MUC5B: variants seen among roughly 807,000 people sequenced by gnomAD.
The protein encoded by MUC5B is mucin-5B.
MUC5B carries 116 observed loss-of-function variants against 376.9 expected under a neutral mutation model. That is an observed-to-expected ratio of 0.31 (90% CI 0.26 to 0.36). The LOEUF (loss-of-function observed/expected upper bound fraction) is 0.36, where lower values mean the gene tolerates loss of function less well. Ranked by LOEUF, MUC5B falls within the 10% of genes least tolerant of loss-of-function variation. The probability of loss-of-function intolerance (pLI) is 1.00; values close to 1 mark genes in which losing one functional copy is unlikely to be tolerated. For synonymous variants in MUC5B, 3,517 were observed against 3,390.9 expected, an observed-to-expected ratio of 1.04 and a Z score of -1.29; for missense variants, 7,165 against 7,769.9, an observed-to-expected ratio of 0.92 and a Z score of 2.93.
Position 1,256,193 on chromosome 11 carries a change from C to A in MUC5B, c.16104C>A (p.Cys5368Ter). 1 of 735,382 alleles carries A rather than the reference C, an allele frequency of 1.4e-6. No homozygotes were observed. Among genetic ancestry groups the A allele is most frequent in the South Asian group, 1.5e-5 (1 of 68,756 alleles). 45.6% of individuals were successfully genotyped at this position (735,382 alleles called of 1,614,324 possible). The change falls in exon 38 of 49, where the codon TGC becomes TGA. Residue 5368 changes from cysteine to a stop codon, truncating the protein, a stop_gained. Transcript: ENST00000529681. LOFTEE classifies it high-confidence loss of function. The part of the protein sequence containing the change: ...TCPPTKVYKP[C>*]GPIQPATCNS... ...CACCCACCAAAGTGTACAAGCCATG[C>A]GGCCCCATACAGCCTGCCACCTGCA...
chr11:1,256,882 C>A, intron 39 of MUC5B, 111 bp downstream of exon 39: 1 of 846,794 alleles, frequency 1.2e-6, no homozygotes, highest in Non-Finnish European at 1.8e-6. Flanking sequence ...CCCAGCTGAC[C>A]CCCGTGACCT....
rs546308873 is a variant in MUC5B at position 1,230,545 on chromosome 11, C to G, written c.1415C>G (p.Thr472Arg). The change falls in exon 12 of 49, where the codon ACG (threonine) becomes AGG (arginine). Residue 472 changes from threonine (T) to arginine (R), a missense_variant. Thr to Arg is a moderately conservative substitution (Grantham distance 71). This residue lies in a region of MUC5B where 640 missense variants were observed against 733.0 expected (regional missense o/e 0.87). Transcript: ENST00000529681. The part of the protein sequence containing the change: ...VLAELRKCGL[T>R]DNENCLKAVT... ...GCTGAGCTGCGGAAGTGCGGCCTGA[C>G]GGACAACGAGAACTGCCTGAAAGCG... 2 of 1,611,762 alleles carry G rather than the reference C, an allele frequency of 1.2e-6. No homozygotes were observed. The highest frequency in any genetic ancestry group is 1.7e-6 in the Non-Finnish European group (2 of 1,179,258).
intron 25 of MUC5B, among the ~76,000 whole-genome samples, chr11:1,238,470 C>T (rs1470250196): frequency 2.0e-5 from 3 of 152,080 alleles, no homozygotes; most frequent in African/African-American, 2.4e-5. Context: ...GAGGTGGGGG[C>T]GAGGGCAGAG....
Position 1,235,099 on chromosome 11 carries a change from G to A in MUC5B, c.2645G>A (p.Arg882Gln), listed in dbSNP as rs1057027215. The change falls in exon 22 of 49, where the codon CGG becomes CAG. Residue 882 changes from arginine (R) to glutamine (Q), a missense_variant. Coordinates refer to ENST00000529681, the MANE Select transcript of MUC5B (RefSeq NM_002458.3). ...VDCNTCTCRN[R>Q]RWECSHRLCL... is the part of the protein sequence containing the mutation. Reference sequence around the variant, plus strand: ...GCCCCTTGCAGCACCTGCAGGAACCGGAGGTGGGAGTGCAGCCACCGGCTC... The same window carrying A: ...GCCCCTTGCAGCACCTGCAGGAACCAGAGGTGGGAGTGCAGCCACCGGCTC... 5.0e-6 allele frequency: 8 copies of A among 1,611,206 alleles called. No homozygotes were observed. The highest frequency in any genetic ancestry group is 1.3e-5 in the African/African-American group (1 of 74,892).
rs1378705846 is a variant in MUC5B, at chr11:1,249,254, C to T, written c.12374C>T (p.Thr4125Ile). ...TCGGCCCCCATAACCACGGTGGTGACCACGGGCTGTGAGCCCCAGTGTGCC... is the reference window on the plus strand; with the variant it reads ...TCGGCCCCCATAACCACGGTGGTGATCACGGGCTGTGAGCCCCAGTGTGCC... ...PTSAPITTVV[T>I]TGCEPQCAWS... is the part of the protein sequence containing the mutation. Residue 4125 changes from threonine (T) to isoleucine (I), a missense_variant, in exon 31 of 49, where the codon ACC becomes ATC. Physicochemically the swap from Thr to Ile is moderately conservative, Grantham distance 89 (BLOSUM62 -1). Transcript: ENST00000529681. 2.5e-6 allele frequency: 4 copies of T among 1,611,510 alleles called. No homozygotes were observed. Among genetic ancestry groups the T allele is most frequent in the Non-Finnish European group, 3.4e-6 (4 of 1,179,604 alleles).
chr11:1,244,745 C>A lies in MUC5B; in HGVS notation c.7865C>A (p.Ser2622Tyr). The A allele has an allele frequency of 6.2e-7, 1 of 1,612,414 alleles. No homozygotes were observed. Among genetic ancestry groups the A allele is most frequent in the Non-Finnish European group, 8.5e-7 (1 of 1,178,976 alleles). Residue 2622 changes from serine (S) to tyrosine (Y), a missense_variant, in exon 31 of 49, where the codon TCC becomes TAC. By Grantham distance (144) the Ser-to-Tyr change is moderately radical. Coordinates refer to ENST00000529681, the MANE Select transcript of MUC5B (RefSeq NM_002458.3). ...ACGGGCTTCACAGCCACCCCCTCCT[C>A]CAGCCCAGGGACGGCACGCACGCTT... ...TTTGFTATPS[S>Y]SPGTARTLPV...
At chr11:1,239,762 G>A in intron 27 of MUC5B, 37 bp from the exon 28 acceptor site, 1 of 1,587,920 alleles carries the variant, frequency 6.3e-7, no homozygotes, top group Non-Finnish European at 8.6e-7. Context: ...AGACTAAAGG[G>A]CCCTGGTGAG....
intron 25 of MUC5B, among the ~76,000 whole-genome samples, chr11:1,238,543 C>T (rs1385344172): frequency 6.6e-6 from 1 of 152,150 alleles, no homozygotes; most frequent in Non-Finnish European, 1.5e-5. Context: ...ACCAGATCCA[C>T]GTGATAGAAA....
intron 9 of MUC5B, 52 bp downstream of exon 9, chr11:1,229,347 C>G: frequency 2.7e-6 from 4 of 1,478,200 alleles, no homozygotes; most frequent in Non-Finnish European, 3.6e-6. Flanking sequence ...TCCCTGCTCC[C>G]AACCCCGCCC....
At position 1,234,112 on chromosome 11, in the gene MUC5B, T is replaced by C; in HGVS notation, c.2378-93T>C. 1 of 1,095,542 alleles carries C rather than the reference T, an allele frequency of 9.1e-7. No homozygotes were observed. The highest frequency in any genetic ancestry group is 1.3e-6 in the Non-Finnish European group (1 of 742,342). The allele number at this position is 1,095,542 out of a possible 1,614,324, so 67.9% of individuals were successfully genotyped here. A position where few individuals can be genotyped will look rare whatever the true frequency, so the allele number is the denominator to read the frequency against. Reference sequence around the variant, plus strand: ...AAGCTTTGGCTCGGGGGCTGTTAACTTGATCAGCAGGACAGGCTCAGGGCT... The same window carrying C: ...AAGCTTTGGCTCGGGGGCTGTTAACCTGATCAGCAGGACAGGCTCAGGGCT... On this transcript the variant is annotated intron_variant, in intron 19 of 48. Transcript: ENST00000529681. This position sits in a 1 kb window ranked among gnomAD's most constrained non-coding sequence, Gnocchi z 6.3.
chr11:1,223,325 G>A, intron 1 of MUC5B, 132 bp downstream of exon 1: 3 of 691,746 alleles, frequency 4.3e-6, no homozygotes, highest in Non-Finnish European at 7.9e-6. Flanking sequence ...TGTCCTGGAT[G>A]GGACCCTACC....
intron 1 of MUC5B, chr11:1,223,408 G>A (rs1376433288): frequency 1.3e-5 from 9 of 672,276 alleles, no homozygotes; most frequent in African/African-American, 3.6e-5. Context: ...CTTGGATGGG[G>A]TGTCCAGGAG....
At chr11:1,256,565 T>C in intron 38 of MUC5B, 106 bp from the exon 39 acceptor site, 1 of 488,946 alleles carries the variant, frequency 2.0e-6, no homozygotes, top group Non-Finnish European at 3.6e-6. Context: ...ACTCCACCCA[T>C]TCATCTCCTT....
Position 1,255,084 on chromosome 11 carries a change from C to T in MUC5B, c.15708C>T (p.Asp5236=), listed in dbSNP as rs373960976. ...AGAGGGACGACTGTCTCCAGCGGGA[C>T]GGAACCACTGCCGCCAGTTGCAAGG... is the stretch of plus-strand genomic sequence containing the variant. ...NNQRDDCLQR[D]GTTAASCKDM... Residue 5236 remains aspartate, a synonymous_variant, in exon 36 of 49, where the codon GAC becomes GAT. Transcript: ENST00000529681. 94 of 1,595,436 alleles carry T rather than the reference C, an allele frequency of 5.9e-5. No individual in the cohort carries two copies. In the African/African-American group the frequency reaches 6.3e-4, roughly 11 times the overall value.
intron 3 of MUC5B, 84 bp from the exon 4 acceptor site, chr11:1,226,531 C>A: frequency 6.6e-7 from 1 of 1,505,064 alleles, no homozygotes. Context: ...TTTTCCATTC[C>A]AAAAACCAGG....
At position 1,232,310 on chromosome 11, in the gene MUC5B, G is replaced by A. The variant is rs55798208; in HGVS notation, c.1844-140G>A. On this transcript the variant is annotated intron_variant, in intron 15 of 48. Transcript: ENST00000529681. ...CAGGAGGAGGTGCTTGGGGCCAGGC[G>A]GCCAGAACCCCCCAAGGCGCAGCAG... 3,344 of 1,338,998 alleles carry A rather than the reference G, an allele frequency of 2.5e-3. 72 individuals carry two copies. In the African/African-American group the frequency reaches 0.038, roughly 15 times the overall value. 82.9% of individuals were successfully genotyped at this position (1,338,998 alleles called of 1,614,324 possible). A position where few individuals can be genotyped will look rare whatever the true frequency, so the allele number is the denominator to read the frequency against.
In MUC5B at chr11:1,259,033, A is replaced by G; in HGVS notation, c.16685A>G (p.Asp5562Gly). Residue 5562 changes from aspartate to glycine, a missense_variant, in exon 44 of 49, where the codon GAT (aspartate) becomes GGT (glycine). Asp to Gly is a moderately conservative substitution (Grantham distance 94, BLOSUM62 -1). Around this residue, in one of 31 missense-constraint regions of MUC5B, gnomAD observed 842 missense variants for 1,016.9 expected, o/e 0.83. Transcript: ENST00000529681. Reference protein sequence around the residue: ...TQDPTVQCQEDACNNTTCPQG... With the variant: ...TQDPTVQCQEGACNNTTCPQG... ...GACCCAACGGTGCAATGTCAGGAGG[A>G]TGCCTGCAACAATACTACCTGTCCC... The G allele has an allele frequency of 6.4e-7, 1 of 1,555,866 alleles. No homozygotes were observed. Among genetic ancestry groups the G allele is most frequent in the Non-Finnish European group, 8.7e-7 (1 of 1,150,486 alleles).
rs760162232 is a variant in MUC5B at position 1,244,656 on chromosome 11, T to C, written c.7776T>C (p.Ser2592=). 49 of 1,606,580 alleles carry C rather than the reference T, an allele frequency of 3.0e-5. 1 individual carries two copies. In the African/African-American group the frequency reaches 3.7e-4, roughly 12 times the overall value. ...CCACCACAACCGGGGCCACCGGCTC[T>C]GTGGCCACCCCCTCCTCCACCCCAG... ...TTATTTGATG[S]VATPSSTPGT... The change falls in exon 31 of 49, where the codon TCT becomes TCC. Residue 2592 remains serine (S), a synonymous_variant. Transcript: ENST00000529681.
In MUC5B at chr11:1,230,957, G is replaced by C; in HGVS notation, c.1492G>C (p.Gly498Arg). The change falls in exon 13 of 49, where the codon GGC becomes CGC. Residue 498 changes from glycine (G) to arginine (R), a missense_variant. This residue lies in a region of MUC5B where 640 missense variants were observed against 733.0 expected (regional missense o/e 0.87). Coordinates refer to ENST00000529681, the MANE Select transcript of MUC5B (RefSeq NM_002458.3). ...GDTAIRVQAD[G>R]GVFLNSIYTQ... ...GCAGGCCATCCGGGTCCAAGCGGAC[G>C]GCGGCGTGTTCCTCAACTCCATCTA... The C allele has an allele frequency of 1.3e-6, 2 of 1,595,846 alleles. No individual in the cohort carries two copies. The highest frequency in any genetic ancestry group is 1.7e-6 in the Non-Finnish European group (2 of 1,172,714).
Sources: allele counts gnomAD v4.1 joint callset (sites outside exome capture counted in the v4.1 genomes callset), GRCh38; gene constraint gnomAD v4.1.1; regional missense constraint gnomAD v4.1.1; non-coding constraint Gnocchi (gnomAD v3.1); transcripts MANE v1.5; gene names NCBI Gene and HGNC (gene_info 2026-07-23, HGNC 2026-07-21).